SMARCB1: variants seen among roughly 807,000 people sequenced by gnomAD.
SMARCB1 encodes the protein SWI/SNF-related matrix-associated actin-dependent regulator of chromatin subfamily B member 1.
SMARCB1 carries 5 observed loss-of-function variants against 49.0 expected under a neutral mutation model. That is an observed-to-expected ratio of 0.10 (90% confidence interval 0.05 to 0.21). SMARCB1 has a LOEUF of 0.21. SMARCB1 is among the 10% of genes least tolerant of loss of function. SMARCB1 has a pLI of 1.00. For missense variants in SMARCB1, 226 were observed against 509.2 expected (o/e 0.44, Z 5.35); for synonymous variants, 201 against 200.1 (o/e 1.00, Z -0.04).
At chr22:23,831,799 T>C (rs2030669526) in intron 7 of SMARCB1, among the ~76,000 whole-genome samples, 1 of 152,042 alleles carries the variant, frequency 6.6e-6, no homozygotes, top group South Asian at 2.1e-4. Context: ...CGGTGAGGAA[T>C]GATGTTTGGG....
Position 23,795,789 on chromosome 22 carries a change from C to CTT in SMARCB1, c.362+2117_362+2118dup, listed in dbSNP as rs1237100249. Among the ~76,000 whole-genome samples the CTT allele has an allele frequency of 4.9e-3, 653 of 133,948 alleles. 17 individuals carry two copies. The South Asian group carries it at 0.082, about 17-fold the overall frequency. 87.9% of individuals were successfully genotyped at this position (133,948 alleles called of 152,430 possible). A position where few individuals can be genotyped will look rare whatever the true frequency, so the allele number is the denominator to read the frequency against. On this transcript the variant is annotated intron_variant, in intron 3 of 8. Coordinates refer to ENST00000644036, the MANE Select transcript of SMARCB1 (RefSeq NM_003073.5). ...ACTGCACTCATGTGTGCTGGAGGTGCTTTTTTTTTTTTTTTTTGAGATGGA... is the reference window on the plus strand; with the variant it reads ...ACTGCACTCATGTGTGCTGGAGGTGCTTTTTTTTTTTTTTTTTTTGAGATGGA...
At chr22:23,792,121 C>G in intron 2 of SMARCB1, 1 of 555,502 alleles carries the variant, frequency 1.8e-6, no homozygotes, top group Non-Finnish European at 3.3e-6. Context: ...GGTATGTGAG[C>G]GGGCCGGGGC....
At chr22:23,791,007 A>AG (rs1351967916) in intron 1 of SMARCB1, among the ~76,000 whole-genome samples, 1 of 152,186 alleles carries the variant, frequency 6.6e-6, no homozygotes, top group Non-Finnish European at 1.5e-5. Flanking sequence ...GAAAATGGGA[A>AG]GTGATCCCAG....
intron 1 of SMARCB1, among the ~76,000 whole-genome samples, chr22:23,787,978 CT>C (rs1376653581): frequency 1.3e-5 from 2 of 152,214 alleles, no homozygotes; most frequent in African/African-American, 2.4e-5. Context: ...AACTGGATGA[CT>C]GACTTCAGGA....
chr22:23,837,895 A>G lies in SMARCB1; in HGVS notation c.*3715A>G. 2 of 1,575,862 alleles carry G rather than the reference A, an allele frequency of 1.3e-6. No individual in the cohort carries two copies. The highest frequency in any genetic ancestry group is 1.7e-6 in the Non-Finnish European group (2 of 1,158,444). ...GGTGCTCCGGTGCAGGCCTCAGCCC[A>G]AGCCCAGGGCCCCTCTGACTTCCCA... On this transcript the variant is annotated 3_prime_UTR_variant, in exon 9 of 9. Coordinates refer to ENST00000644036, the MANE Select transcript of SMARCB1 (RefSeq NM_003073.5).
chr22:23,803,164 C>T (rs1601404666), intron 4 of SMARCB1, 131 bp from the exon 5 acceptor site: 1 of 1,214,076 alleles, frequency 8.2e-7, no homozygotes, highest in South Asian at 1.2e-5. Context: ...GCTGCCTCAG[C>T]TGTTAGCTGA....
At chr22:23,800,415 T>C (rs1192302389) in intron 3 of SMARCB1, among the ~76,000 whole-genome samples, 1 of 152,214 alleles carries the variant, frequency 6.6e-6, no homozygotes, top group Non-Finnish European at 1.5e-5. Context: ...AATGACAGCC[T>C]GATCATGTCT....
chr22:23,787,209 C>A lies in SMARCB1; in HGVS notation c.40C>A (p.Pro14Thr). ...GCTGAGCAAGACCTTCGGGCAGAAG[C>A]CCGTGAAGTTCCAGCTGGAGGACGA... ...MALSKTFGQK[P>T]VKFQLEDDGE... The change falls in exon 1 of 9, where the codon CCC becomes ACC. Residue 14 changes from proline (P) to threonine (T), a missense_variant. By Grantham distance (38) the Pro-to-Thr change is conservative. This residue lies in a region of SMARCB1 where 37 missense variants were observed against 36.9 expected (regional missense o/e 1.00). Transcript: ENST00000644036. 6.2e-7 allele frequency: 1 copy of A among 1,609,074 alleles called. No homozygotes were observed. The highest frequency in any genetic ancestry group is 8.5e-7 in the Non-Finnish European group (1 of 1,177,384).
intron 5 of SMARCB1, among the ~76,000 whole-genome samples, chr22:23,814,665 C>T (rs998884657): frequency 1.3e-5 from 2 of 149,590 alleles, no homozygotes; most frequent in Admixed American, 1.3e-4. Flanking sequence ...AACTCTGTCC[C>T]AAAAAAGCAA....
In SMARCB1 at chr22:23,787,017, G is replaced by GCGGCTGAGGAGCC. The variant is rs1401836739; in HGVS notation, c.-143_-131dup. 12 of 509,350 alleles carry GCGGCTGAGGAGCC rather than the reference G, an allele frequency of 2.4e-5. No homozygotes were observed. Among genetic ancestry groups the GCGGCTGAGGAGCC allele is most frequent in the African/African-American group, 6.1e-5 (3 of 48,952 alleles). 31.6% of individuals were successfully genotyped at this position (509,350 alleles called of 1,614,324 possible). ...CTGGTCGTCGTCTGCGGCGGCGGCGGCGGCTGAGGAGCCCGGCTGAGGCGC... is the reference window on the plus strand; with the variant it reads ...CTGGTCGTCGTCTGCGGCGGCGGCGGCGGCTGAGGAGCCCGGCTGAGGAGCCCGGCTGAGGCGC... On this transcript the variant is annotated 5_prime_UTR_variant, in exon 1 of 9. Coordinates refer to ENST00000644036, the MANE Select transcript of SMARCB1 (RefSeq NM_003073.5).
chr22:23,790,704 G>GAGCT (rs1928325753), intron 1 of SMARCB1, among the ~76,000 whole-genome samples: 1 of 152,084 alleles, frequency 6.6e-6, no homozygotes, highest in African/African-American at 2.4e-5. Flanking sequence ...TTAGCCGGTT[G>GAGCT]TGGTGGCAAG....
intron 3 of SMARCB1, among the ~76,000 whole-genome samples, chr22:23,797,369 C>T (rs1460826341): frequency 4.0e-5 from 6 of 149,988 alleles, no homozygotes; most frequent in South Asian, 2.1e-4. Context: ...AGTGCAGTGG[C>T]GCCATCTTGG....
chr22:23,800,851 G>A lies in SMARCB1; in HGVS notation c.363-93G>A, dbSNP rs1929097342. 4.1e-6 allele frequency: 4 copies of A among 981,592 alleles called. No homozygotes were observed. In the East Asian group the frequency reaches 7.1e-5, roughly 17 times the overall value. The allele number at this position is 981,592 out of a possible 1,614,324, so 60.8% of individuals were successfully genotyped here. ...CATGGGAGCCTCGAGCCTGACAGAG[G>A]TACAGTGGGCATCCCTGGAGCATTA... On this transcript the variant is annotated intron_variant, in intron 3 of 8. Transcript: ENST00000644036.
At chr22:23,810,779 C>T (rs1445749860) in intron 5 of SMARCB1, among the ~76,000 whole-genome samples, 2 of 152,026 alleles carry the variant, frequency 1.3e-5, no homozygotes, top group Admixed American at 6.6e-5. Flanking sequence ...CCTGTAATCG[C>T]GGCATTTTGG....
chr22:23,818,253 C>T (rs2029893491), intron 6 of SMARCB1: 1 of 151,924 alleles, frequency 6.6e-6, no homozygotes, highest in African/African-American at 2.4e-5. Flanking sequence ...CCTGGGTTCA[C>T]ACCATTCTCC....
At position 23,835,506 on chromosome 22, in the gene SMARCB1, GA is replaced by G; in HGVS notation, c.*1327del. 1.0e-6 allele frequency: 1 copy of G among 985,608 alleles called. No individual in the cohort carries two copies. The highest frequency in any genetic ancestry group is 1.2e-6 in the Non-Finnish European group (1 of 830,024). The allele number at this position is 985,608 out of a possible 1,614,324, so 61.1% of individuals were successfully genotyped here. On this transcript the variant is annotated 3_prime_UTR_variant, in exon 9 of 9. Transcript: ENST00000644036. ...GGGGTTCTTGGTCGCTGAGATGTGAGAGGAGGGCTCCTTTGAGCACATGTTA... is the reference window on the plus strand; with the variant it reads ...GGGGTTCTTGGTCGCTGAGATGTGAGGGAGGGCTCCTTTGAGCACATGTTA...
chr22:23,805,418 C>T (rs1929433721), intron 5 of SMARCB1, among the ~76,000 whole-genome samples: 1 of 152,248 alleles, frequency 6.6e-6, no homozygotes, highest in Non-Finnish European at 1.5e-5. Flanking sequence ...TTTATCTCTG[C>T]TGGCCCACAT....
At chr22:23,793,755 G>C in intron 3 of SMARCB1, 67 bp downstream of exon 3, 2 of 1,472,282 alleles carry the variant, frequency 1.4e-6, no homozygotes, top group Non-Finnish European at 1.9e-6. Context: ...CTCAAGAACT[G>C]GTTGGGTTGA....
At chr22:23,797,561 C>T (rs1274843207) in intron 3 of SMARCB1, among the ~76,000 whole-genome samples, 2 of 148,162 alleles carry the variant, frequency 1.3e-5, no homozygotes, top group Admixed American at 6.8e-5. Context: ...CCGCCCACCT[C>T]GGCCTCCCAA....
Sources: gnomAD v4.1 joint callset for allele counts (sites outside exome capture counted in the v4.1 genomes callset) on GRCh38, gnomAD v4.1.1 for gene constraint, gnomAD v4.1.1 regional missense constraint, MANE v1.5 for transcripts, NCBI Gene and HGNC (gene_info 2026-07-23, HGNC 2026-07-21) for gene names.